ADCY2: variants seen among roughly 807,000 people sequenced by gnomAD.
ADCY2 encodes the protein adenylate cyclase 2.
A neutral mutation model predicts 125.2 loss-of-function variants in ADCY2; 31 were observed. The ratio of observed to expected loss-of-function variants is 0.25; its 90% CI spans 0.19 to 0.33. The LOEUF is 0.33. Among genes scored for constraint, ADCY2 ranks in the 10% least tolerant of loss-of-function variants. The probability of loss-of-function intolerance (pLI) is 1.00; values close to 1 mark genes in which losing one functional copy is unlikely to be tolerated. For synonymous variants in ADCY2, 512 were observed against 548.4 expected (o/e 0.93, Z 0.93); for missense variants, 904 against 1,418.2 (o/e 0.64, Z 5.82).
chr5:7,641,978 A>G (rs971256687), intron 4 of ADCY2, among the ~76,000 whole-genome samples: 5 of 152,348 alleles, frequency 3.3e-5, no homozygotes, highest in East Asian at 3.9e-4. Flanking sequence ...TAGTGCTGCA[A>G]TGAACATATG....
At chr5:7,805,225 G>A (rs114000791) in intron 22 of ADCY2, among the ~76,000 whole-genome samples, 2,381 of 152,170 alleles carry the variant, frequency 0.016, 65 homozygotes, top group African/African-American at 0.055. Flanking sequence ...AAGAGGCTGA[G>A]ATGGGAGGAT....
intron 3 of ADCY2, among the ~76,000 whole-genome samples, chr5:7,546,383 T>C (rs1366892455): frequency 6.6e-6 from 1 of 152,174 alleles, no homozygotes; most frequent in Non-Finnish European, 1.5e-5. Flanking sequence ...GTTTGACACG[T>C]TCTGTTCTGT....
intron 24 of ADCY2, among the ~76,000 whole-genome samples, chr5:7,826,287 A>G (rs1745475834): frequency 6.6e-6 from 1 of 152,212 alleles, no homozygotes; most frequent in Non-Finnish European, 1.5e-5. Context: ...ATGACAATGT[A>G]TAAACATCAT....
intron 15 of ADCY2, among the ~76,000 whole-genome samples, chr5:7,746,523 A>T (rs1742631970): frequency 6.6e-6 from 1 of 152,222 alleles, no homozygotes; most frequent in African/African-American, 2.4e-5. Flanking sequence ...TTCAGTCAAA[A>T]ACTGCTCATC....
At position 7,666,501 on chromosome 5, in the gene ADCY2, C is replaced by A. The variant is rs1374099974; in HGVS notation, c.721-24190C>A. On this transcript the variant is annotated intron_variant, in intron 4 of 24. Coordinates refer to ENST00000338316, the MANE Select transcript of ADCY2 (RefSeq NM_020546.3). ...GTCAGGATGGTCTCGATCTCCGGACCTCATGATCCGACCGCCTCGGCCTCC... is the reference window on the plus strand; with the variant it reads ...GTCAGGATGGTCTCGATCTCCGGACATCATGATCCGACCGCCTCGGCCTCC... 2.6e-5 allele frequency among the ~76,000 whole-genome samples: 4 copies of A among 152,084 alleles called. No individual in the cohort carries two copies. In the East Asian group the frequency reaches 5.8e-4, roughly 22 times the overall value.
intron 3 of ADCY2, among the ~76,000 whole-genome samples, chr5:7,594,374 A>G (rs1736940889): frequency 6.6e-6 from 1 of 152,186 alleles, no homozygotes; most frequent in African/African-American, 2.4e-5. Flanking sequence ...ATAGGACCCC[A>G]AGGTTTGGGG....
intron 9 of ADCY2, among the ~76,000 whole-genome samples, chr5:7,708,787 G>T (rs372643273): frequency 1.9e-4 from 29 of 152,096 alleles, no homozygotes; most frequent in African/African-American, 6.7e-4. Flanking sequence ...ACGGGGGAAG[G>T]CTCAAAAAAT....
At chr5:7,533,890 G>A (rs530734460) in intron 3 of ADCY2, among the ~76,000 whole-genome samples, 1 of 152,294 alleles carries the variant, frequency 6.6e-6, no homozygotes, top group African/African-American at 2.4e-5. Flanking sequence ...AGAACTTAGT[G>A]AGCATTTATT....
chr5:7,447,538 T>A (rs902521), intron 2 of ADCY2, among the ~76,000 whole-genome samples: 6,103 of 152,280 alleles, frequency 0.04, 133 homozygotes, highest in South Asian at 0.1. Flanking sequence ...CACCTCCCCC[T>A]ACCTCATGTG....
chr5:7,790,337 G>T (rs1287716242), intron 20 of ADCY2, among the ~76,000 whole-genome samples: 1 of 152,234 alleles, frequency 6.6e-6, no homozygotes, highest in Non-Finnish European at 1.5e-5. Context: ...CACAAGAGCA[G>T]ACCAAAGACT....
At chr5:7,586,882 A>G (rs753042225) in intron 3 of ADCY2, among the ~76,000 whole-genome samples, 24 of 152,194 alleles carry the variant, frequency 1.6e-4, no homozygotes, top group Non-Finnish European at 5.9e-5. Flanking sequence ...ATCTTCGTCT[A>G]TCTATCCCTT....
intron 22 of ADCY2, among the ~76,000 whole-genome samples, chr5:7,811,306 T>A (rs2126531637): frequency 6.6e-6 from 1 of 152,132 alleles, no homozygotes; most frequent in South Asian, 2.1e-4. Flanking sequence ...ATCGAGACCA[T>A]CCTAGGTAAC....
intron 3 of ADCY2, among the ~76,000 whole-genome samples, chr5:7,571,116 C>A (rs1336785115): frequency 6.6e-6 from 1 of 151,938 alleles, no homozygotes; most frequent in Non-Finnish European, 1.5e-5. Context: ...AGAAGCAGAG[C>A]CAATAGGTTC....
chr5:7,619,006 C>A (rs1737858774), intron 3 of ADCY2, among the ~76,000 whole-genome samples: 1 of 152,124 alleles, frequency 6.6e-6, no homozygotes, highest in Non-Finnish European at 1.5e-5. Context: ...TTTTAGTAAG[C>A]CTCTTGGAAG....
At chr5:7,734,829 G>A (rs910655711) in intron 14 of ADCY2, among the ~76,000 whole-genome samples, 5 of 152,196 alleles carry the variant, frequency 3.3e-5, no homozygotes, top group African/African-American at 9.6e-5. Context: ...TAGAAGCCAT[G>A]GTTCCAGAAG....
Position 7,601,191 on chromosome 5 carries a change from A to T in ADCY2, c.571-24976A>T, listed in dbSNP as rs142147026. Reference sequence around the variant, plus strand: ...GGTCAAAGCCTTTGCCCAAGACTCAAGGCCAGAGTTCCCTCATTGTCCCTC... The same window carrying T: ...GGTCAAAGCCTTTGCCCAAGACTCATGGCCAGAGTTCCCTCATTGTCCCTC... On this transcript the variant is annotated intron_variant, in intron 3 of 24. Transcript: ENST00000338316. Among the ~76,000 whole-genome samples the T allele has an allele frequency of 1.8e-3, 274 of 152,260 alleles. 1 individual carries two copies. Among genetic ancestry groups the T allele is most frequent in the African/African-American group, 6.2e-3 (258 of 41,554 alleles).
At chr5:7,593,010 A>G (rs1457617792) in intron 3 of ADCY2, among the ~76,000 whole-genome samples, 1 of 152,176 alleles carries the variant, frequency 6.6e-6, no homozygotes, top group Non-Finnish European at 1.5e-5. Flanking sequence ...CTCACGTTTT[A>G]TAGGTAGATA....
At chr5:7,680,766 C>A (rs996396516) in intron 4 of ADCY2, among the ~76,000 whole-genome samples, 1 of 152,174 alleles carries the variant, frequency 6.6e-6, no homozygotes. Context: ...TCTGTAAGCT[C>A]TAAGCCATGG....
chr5:7,768,455 CCAAA>C (rs1461328902), intron 17 of ADCY2, among the ~76,000 whole-genome samples: 1 of 152,116 alleles, frequency 6.6e-6, no homozygotes. Flanking sequence ...AGTGCACCGA[CCAAA>C]CAGTCCCCCT....
Sources: gnomAD v4.1 joint callset for allele counts (sites outside exome capture counted in the v4.1 genomes callset) on GRCh38, gnomAD v4.1.1 for gene constraint, MANE v1.5 for transcripts, NCBI Gene and HGNC (gene_info 2026-07-23, HGNC 2026-07-21) for gene names.